The following DCC variants were observed in gnomAD, a reference collection of about 807,000 sequenced individuals.
The protein encoded by DCC is DCC netrin 1 receptor.
In DCC, 58 loss-of-function variants were observed where a neutral mutation model predicts 172.5. The observed-to-expected ratio is 0.34, with a 90% CI of 0.27 to 0.42. DCC has a LOEUF of 0.42. Ranked by LOEUF, DCC falls within the 10% of genes least tolerant of loss-of-function variation. The pLI is 1.00. For missense variants in DCC, 1,740 were observed against 1,791.0 expected (o/e 0.97, Z 0.51); for synonymous variants, 709 against 644.5 (o/e 1.10, Z -1.52).
chr18:53,292,633 G>C (rs968628801), intron 12 of DCC, among the ~76,000 whole-genome samples: 2 of 152,220 alleles, frequency 1.3e-5, no homozygotes. Context: ...AGCTTGCAGT[G>C]AGCCGAGATC....
intron 5 of DCC, among the ~76,000 whole-genome samples, chr18:52,971,087 A>G (rs1050702177): frequency 3.9e-5 from 6 of 152,160 alleles, no homozygotes; most frequent in African/African-American, 1.4e-4. Flanking sequence ...CTTAGAAAAA[A>G]CATTCTGACT....
At chr18:52,889,737 A>T (rs1176652127) in intron 2 of DCC, among the ~76,000 whole-genome samples, 1 of 152,142 alleles carries the variant, frequency 6.6e-6, no homozygotes, top group African/African-American at 2.4e-5. Context: ...TAAATTCTGA[A>T]TTACCATAAT....
At chr18:53,123,262 G>A (rs997492353) in intron 7 of DCC, among the ~76,000 whole-genome samples, 1 of 152,064 alleles carries the variant, frequency 6.6e-6, no homozygotes, top group Non-Finnish European at 1.5e-5. Flanking sequence ...TCTAAATGAG[G>A]CACTGGAATT....
chr18:53,321,371 CACTT>C (rs1223146193), intron 13 of DCC, among the ~76,000 whole-genome samples: 1 of 152,066 alleles, frequency 6.6e-6, no homozygotes, highest in African/African-American at 2.4e-5. Flanking sequence ...AGAGGAAAGT[CACTT>C]ACATCAAAAA....
At chr18:52,777,273 C>T (rs2037451222) in intron 2 of DCC, among the ~76,000 whole-genome samples, 1 of 150,874 alleles carries the variant, frequency 6.6e-6, no homozygotes, top group Non-Finnish European at 1.5e-5. Context: ...CCAGAAGTCT[C>T]AAATCAAAGT....
At chr18:52,354,597 T>A (rs1319865644) in intron 1 of DCC, among the ~76,000 whole-genome samples, 2 of 152,208 alleles carry the variant, frequency 1.3e-5, no homozygotes, top group East Asian at 3.8e-4. Context: ...ATTGGAGAAG[T>A]CATGTCTAGC....
chr18:52,422,268 A>G (rs1225054758), intron 1 of DCC, among the ~76,000 whole-genome samples: 2 of 152,194 alleles, frequency 1.3e-5, no homozygotes, highest in East Asian at 3.9e-4. Context: ...AGAACAATTC[A>G]CATCCAGATG....
At chr18:52,699,201 G>A (rs144353436) in intron 1 of DCC, among the ~76,000 whole-genome samples, 1 of 152,242 alleles carries the variant, frequency 6.6e-6, no homozygotes, top group Non-Finnish European at 1.5e-5. Context: ...GGATGACAGG[G>A]TGCAAGATTT....
At chr18:53,169,920 C>G (rs1296758080) in intron 8 of DCC, among the ~76,000 whole-genome samples, 2 of 152,068 alleles carry the variant, frequency 1.3e-5, no homozygotes, top group African/African-American at 4.8e-5. Flanking sequence ...TAGTGTTGGC[C>G]TATAGTGGAA....
chr18:53,023,904 C>T (rs1237796168), intron 5 of DCC, among the ~76,000 whole-genome samples: 1 of 151,976 alleles, frequency 6.6e-6, no homozygotes, highest in Non-Finnish European at 1.5e-5. Context: ...ACTTGATCGT[C>T]TAGTTAGTGG....
chr18:52,960,344 A>G (rs565721598), intron 5 of DCC, among the ~76,000 whole-genome samples: 116 of 152,274 alleles, frequency 7.6e-4, no homozygotes, highest in African/African-American at 2.7e-3. Context: ...TTACATTGCC[A>G]GCAGAAATCA....
At chr18:52,560,240 T>C (rs905734084) in intron 1 of DCC, among the ~76,000 whole-genome samples, 1 of 152,230 alleles carries the variant, frequency 6.6e-6, no homozygotes, top group Non-Finnish European at 1.5e-5. Context: ...TAAAAGTATG[T>C]AAATAAATCA....
chr18:53,466,868 T>C (rs1172555783), intron 24 of DCC, among the ~76,000 whole-genome samples: 1 of 152,202 alleles, frequency 6.6e-6, no homozygotes, highest in Non-Finnish European at 1.5e-5. Flanking sequence ...TGTGTAGTTT[T>C]TGTAGGATGT....
At chr18:53,281,897 T>G (rs1239891412) in intron 12 of DCC, among the ~76,000 whole-genome samples, 1 of 151,998 alleles carries the variant, frequency 6.6e-6, no homozygotes, top group East Asian at 1.9e-4. Context: ...TTATAAAATC[T>G]TATACACAGC....
intron 5 of DCC, among the ~76,000 whole-genome samples, chr18:53,050,176 G>A (rs1469221327): frequency 1.3e-5 from 2 of 152,054 alleles, no homozygotes; most frequent in East Asian, 3.9e-4. Context: ...ATCTAGCCAC[G>A]CTGGCAGCAG....
intron 1 of DCC, among the ~76,000 whole-genome samples, chr18:52,382,510 G>C (rs1036150909): frequency 7.9e-4 from 120 of 152,204 alleles, no homozygotes; most frequent in African/African-American, 2.8e-3. Flanking sequence ...AGGTTTTACT[G>C]AGATAAGACT....
At chr18:52,788,611 A>G (rs994537928) in intron 2 of DCC, among the ~76,000 whole-genome samples, 2 of 152,202 alleles carry the variant, frequency 1.3e-5, no homozygotes, top group African/African-American at 2.4e-5. Flanking sequence ...TCTTTAATCA[A>G]TTAGAGCTCT....
intron 7 of DCC, among the ~76,000 whole-genome samples, chr18:53,091,859 CTATATA>C (rs35776447): frequency 4.7e-4 from 67 of 141,106 alleles, no homozygotes; most frequent in African/African-American, 1.5e-3. Flanking sequence ...ATCAATCTAT[CTATATA>C]TATATATATA....
At chr18:52,345,078 G>A (rs1369823646) in intron 1 of DCC, among the ~76,000 whole-genome samples, 2 of 152,154 alleles carry the variant, frequency 1.3e-5, no homozygotes, top group African/African-American at 2.4e-5. Flanking sequence ...GCACCAAATT[G>A]GGAACACATT....
Sources: gnomAD v4.1 joint callset for allele counts (sites outside exome capture counted in the v4.1 genomes callset) on GRCh38, gnomAD v4.1.1 for gene constraint, MANE v1.5 for transcripts, NCBI Gene and HGNC (gene_info 2026-07-23, HGNC 2026-07-21) for gene names.